Variants in CADPS observed in about 807,000 individuals in gnomAD.
The protein encoded by CADPS is calcium dependent secretion activator.
CADPS carries 57 observed loss-of-function variants against 167.3 expected under a neutral mutation model. That is an observed-to-expected ratio of 0.34 (90% confidence interval 0.28 to 0.42). The LOEUF (loss-of-function observed/expected upper bound fraction) is 0.42, where lower values mean the gene tolerates loss of function less well. Among genes scored for constraint, CADPS ranks in the 20% least tolerant of loss-of-function variants. CADPS has a pLI of 1.00. For synonymous variants in CADPS, 676 were observed against 635.3 expected (o/e 1.06, Z -0.96); for missense variants, 1,414 against 1,738.1 (o/e 0.81, Z 3.32).
intron 23 of CADPS, 106 bp from the exon 24 acceptor site, chr3:62,474,426 A>G (rs2061009275): frequency 1.2e-5 from 12 of 1,011,890 alleles, no homozygotes; most frequent in Non-Finnish European, 1.7e-5. Flanking sequence ...GGCTGTAATC[A>G]GTTTCAGTCA....
At chr3:62,836,411 T>C (rs749681683) in intron 1 of CADPS, among the ~76,000 whole-genome samples, 15 of 151,902 alleles carry the variant, frequency 9.9e-5, no homozygotes, top group Non-Finnish European at 1.3e-4. Flanking sequence ...GCAATAAAAA[T>C]AAGACAGGGA....
chr3:62,583,468 TC>T (rs1441193524), intron 8 of CADPS, among the ~76,000 whole-genome samples: 1 of 152,098 alleles, frequency 6.6e-6, no homozygotes, highest in Non-Finnish European at 1.5e-5. Context: ...TCTAATTTAA[TC>T]GAAGAAAACC....
At chr3:62,842,724 G>T (rs1217470092) in intron 1 of CADPS, among the ~76,000 whole-genome samples, 4 of 152,184 alleles carry the variant, frequency 2.6e-5, no homozygotes, top group African/African-American at 9.7e-5. Context: ...AATACAAGGT[G>T]ATAGAGAGCC....
chr3:62,612,839 C>T (rs1338351785), intron 6 of CADPS, among the ~76,000 whole-genome samples: 2 of 152,208 alleles, frequency 1.3e-5, no homozygotes, highest in African/African-American at 2.4e-5. Context: ...CATCCATTCA[C>T]CCACCTCTCC....
intron 7 of CADPS, among the ~76,000 whole-genome samples, chr3:62,591,588 C>A (rs886387691): frequency 6.6e-6 from 1 of 151,974 alleles, no homozygotes; most frequent in Non-Finnish European, 1.5e-5. Context: ...TGAGCAGAAG[C>A]CAAATTAAAC....
At chr3:62,838,466 TAC>T (rs1347747914) in intron 1 of CADPS, among the ~76,000 whole-genome samples, 2 of 152,184 alleles carry the variant, frequency 1.3e-5, no homozygotes, top group Admixed American at 6.5e-5. Flanking sequence ...AAAGGATTCT[TAC>T]ACAGTTTTTA....
chr3:62,488,541 G>T (rs1392196020), intron 21 of CADPS, among the ~76,000 whole-genome samples: 1 of 151,952 alleles, frequency 6.6e-6, no homozygotes, highest in East Asian at 1.9e-4. Flanking sequence ...ACCCCAGGCT[G>T]GAGTACAGTG....
intron 3 of CADPS, among the ~76,000 whole-genome samples, chr3:62,699,858 T>C (rs2081072198): frequency 1.3e-5 from 2 of 152,134 alleles, no homozygotes; most frequent in Admixed American, 1.3e-4. Context: ...GTGCCTGGCC[T>C]GTTTTTGTAA....
chr3:62,480,697 T>C (rs2061895418), intron 22 of CADPS, among the ~76,000 whole-genome samples: 1 of 152,210 alleles, frequency 6.6e-6, no homozygotes. Flanking sequence ...ATAATAACAC[T>C]TCCCTTTGAA....
chr3:62,795,927 A>G (rs2093373420), intron 1 of CADPS, among the ~76,000 whole-genome samples: 1 of 152,194 alleles, frequency 6.6e-6, no homozygotes, highest in Non-Finnish European at 1.5e-5. Context: ...CAACAGGGGT[A>G]CAGAAATCAT....
chr3:62,413,185 A>G (rs2049307330), intron 28 of CADPS, among the ~76,000 whole-genome samples: 1 of 152,142 alleles, frequency 6.6e-6, no homozygotes, highest in South Asian at 2.1e-4. Context: ...TAGGAATACT[A>G]CCTCCAACCC....
intron 2 of CADPS, among the ~76,000 whole-genome samples, chr3:62,763,613 A>G (rs563929229): frequency 4.6e-5 from 7 of 152,332 alleles, no homozygotes; most frequent in African/African-American, 1.7e-4. Flanking sequence ...AGGAAGAGAC[A>G]TCAGCTTCTC....
chr3:62,652,760 G>A (rs920270820), intron 4 of CADPS, among the ~76,000 whole-genome samples: 1 of 152,158 alleles, frequency 6.6e-6, no homozygotes, highest in Non-Finnish European at 1.5e-5. Flanking sequence ...GCTTTCTAGA[G>A]TTACAGAAAG....
At chr3:62,699,484 C>T (rs1020371167) in intron 3 of CADPS, among the ~76,000 whole-genome samples, 10 of 152,038 alleles carry the variant, frequency 6.6e-5, no homozygotes, top group African/African-American at 1.9e-4. Context: ...AGTAAAAAAC[C>T]CTTGGAGTCT....
rs2093590057 is a variant in CADPS at position 62,798,621 on chromosome 3, C to G, written c.442-32637G>C. On this transcript the variant is annotated intron_variant, in intron 1 of 29. Coordinates refer to ENST00000383710, the MANE Select transcript of CADPS (RefSeq NM_003716.4). ...ATTAGTTCTGTCCCTCTAGAGAATA[C>G]TAATACAAACAGGGAGATGAATTTT... 5.3e-5 allele frequency among the ~76,000 whole-genome samples: 8 copies of G among 152,078 alleles called. No homozygotes were observed. In the South Asian group the frequency reaches 1.5e-3, roughly 28 times the overall value.
chr3:62,852,463 CTCT>C (rs2078820396), intron 1 of CADPS, among the ~76,000 whole-genome samples: 2 of 152,142 alleles, frequency 1.3e-5, no homozygotes, highest in Non-Finnish European at 2.9e-5. Flanking sequence ...TTGCATCCGT[CTCT>C]TCTTTCATTT....
intron 3 of CADPS, among the ~76,000 whole-genome samples, chr3:62,702,990 A>C (rs2151593847): frequency 6.6e-6 from 1 of 152,268 alleles, no homozygotes; most frequent in Non-Finnish European, 1.5e-5. Context: ...TGACATAGCC[A>C]GTAAGTGGGA....
Position 62,762,085 on chromosome 3 carries a change from G to A in CADPS, c.555+3786C>T, listed in dbSNP as rs560552496. Among the ~76,000 whole-genome samples, 7 of 152,232 alleles carry A rather than the reference G, an allele frequency of 4.6e-5. No individual in the cohort carries two copies. The South Asian group carries it at 1.5e-3, about 32-fold the overall frequency. On this transcript the variant is annotated intron_variant, in intron 2 of 29. Transcript: ENST00000383710. ...GACTAGCTTGGTTCAGACTGGGCTG[G>A]ATGGGCACAGATGGAAAAGGAATAG...
intron 8 of CADPS, among the ~76,000 whole-genome samples, chr3:62,574,548 G>C (rs865849216): frequency 1.3e-4 from 20 of 152,178 alleles, no homozygotes; most frequent in African/African-American, 4.8e-4. Flanking sequence ...GGGTTACATA[G>C]ATCATCTAGC....
Sources: gnomAD v4.1 joint callset for allele counts (sites outside exome capture counted in the v4.1 genomes callset) on GRCh38, gnomAD v4.1.1 for gene constraint, MANE v1.5 for transcripts, NCBI Gene and HGNC (gene_info 2026-07-23, HGNC 2026-07-21) for gene names.